Variants in PELI1 observed in about 807,000 individuals in gnomAD.
PELI1 encodes the protein pellino E3 ubiquitin protein ligase 1.
PELI1 carries 15 observed loss-of-function variants against 41.3 expected under a neutral mutation model. The ratio of observed to expected loss-of-function variants is 0.36; its 90% CI spans 0.24 to 0.56. The LOEUF is 0.56. PELI1 is among the 20% of genes least tolerant of loss of function. The probability of loss-of-function intolerance (pLI) is 0.82; values close to 1 mark genes in which losing one functional copy is unlikely to be tolerated. For missense variants in PELI1, 403 were observed against 525.5 expected (o/e 0.77, Z 2.28); for synonymous variants, 178 against 180.1 (o/e 0.99, Z 0.09).
intron 1 of PELI1, among the ~76,000 whole-genome samples, chr2:64,141,710 T>A (rs1681920322): frequency 6.6e-6 from 1 of 152,202 alleles, no homozygotes; most frequent in African/African-American, 2.4e-5. Flanking sequence ...AATGGAAACA[T>A]CCTTTGGCTT....
At chr2:64,122,876 A>G (rs1681269169) in intron 1 of PELI1, among the ~76,000 whole-genome samples, 1 of 152,236 alleles carries the variant, frequency 6.6e-6, no homozygotes, top group African/African-American at 2.4e-5. Context: ...AAAGAACCTT[A>G]AAGAATATAC....
chr2:64,107,396 A>G (rs1680655748), intron 2 of PELI1, among the ~76,000 whole-genome samples: 2 of 152,242 alleles, frequency 1.3e-5, no homozygotes, highest in South Asian at 4.1e-4. Context: ...TGTGAGTTAC[A>G]TGGATGAAAT....
intron 1 of PELI1, among the ~76,000 whole-genome samples, chr2:64,136,247 A>G (rs1236825036): frequency 6.6e-6 from 1 of 152,194 alleles, no homozygotes; most frequent in Non-Finnish European, 1.5e-5. Flanking sequence ...AGTTAATGGA[A>G]AGCCCAGGAA....
At chr2:64,132,853 A>G (rs749201406) in intron 1 of PELI1, among the ~76,000 whole-genome samples, 2 of 152,230 alleles carry the variant, frequency 1.3e-5, no homozygotes, top group African/African-American at 2.4e-5. Context: ...CCTGCTAAAA[A>G]TGAAGAATCT....
chr2:64,131,269 T>TTTTTTTTTTTTTTTTTTTTTGAG (rs1553358845), intron 1 of PELI1, among the ~76,000 whole-genome samples: 1 of 151,936 alleles, frequency 6.6e-6, no homozygotes, highest in Non-Finnish European at 1.5e-5. Context: ...GATATATTCT[T>TTTTTTTTTTTTTTTTTTTTTGAG]AAAGCTCTCA....
chr2:64,127,014 A>G (rs1184346903), intron 1 of PELI1, among the ~76,000 whole-genome samples: 1 of 152,228 alleles, frequency 6.6e-6, no homozygotes, highest in Non-Finnish European at 1.5e-5. Context: ...TCAAAAAACA[A>G]AAAGTATGAC....
At chr2:64,107,557 G>A (rs554615857) in intron 2 of PELI1, among the ~76,000 whole-genome samples, 15 of 152,252 alleles carry the variant, frequency 9.9e-5, no homozygotes, top group Non-Finnish European at 1.9e-4. Flanking sequence ...TAACCTACAT[G>A]AAATGACTTA....
chr2:64,094,469 AAT>A lies in PELI1; in HGVS notation c.*231_*232del. 2 of 435,862 alleles carry A rather than the reference AAT, an allele frequency of 4.6e-6. No homozygotes were observed. Among genetic ancestry groups the A allele is most frequent in the African/African-American group, 2.0e-5 (1 of 50,414 alleles). The allele number at this position is 435,862 out of a possible 1,614,324, so 27.0% of individuals were successfully genotyped here. A position where few individuals can be genotyped will look rare whatever the true frequency, so the allele number is the denominator to read the frequency against. ...TTAGACTATGTCTTTTTCTCCTCAA[AAT>A]ATATTTTCAAAACTCAGAATTCAGA... On this transcript the variant is annotated 3_prime_UTR_variant, in exon 7 of 7. Coordinates refer to ENST00000358912, the MANE Select transcript of PELI1 (RefSeq NM_020651.4).
chr2:64,104,683 T>A lies in PELI1; in HGVS notation c.201+18A>T. 3.8e-6 allele frequency: 1 copy of A among 266,358 alleles called. No homozygotes were observed. The highest frequency in any genetic ancestry group is 1.0e-4 in the South Asian group (1 of 10,002). The allele number at this position is 266,358 out of a possible 1,614,324, so 16.5% of individuals were successfully genotyped here. ...ATTCTCCAAGTTAATTTATGTAGCT[T>A]TTTTTTTTTTTTTTTACCTTTGCAG... is the stretch of plus-strand genomic sequence containing the variant. On this transcript the variant is annotated intron_variant, in intron 3 of 6. Coordinates refer to ENST00000358912, the MANE Select transcript of PELI1 (RefSeq NM_020651.4).
chr2:64,103,985 C>T (rs1183139827), intron 3 of PELI1, among the ~76,000 whole-genome samples: 1 of 152,072 alleles, frequency 6.6e-6, no homozygotes, highest in Non-Finnish European at 1.5e-5. Flanking sequence ...GTGAAATTCC[C>T]CCTCCTTGTC....
chr2:64,136,353 T>C (rs994548426), intron 1 of PELI1, among the ~76,000 whole-genome samples: 1 of 152,210 alleles, frequency 6.6e-6, no homozygotes, highest in Non-Finnish European at 1.5e-5. Context: ...GTATGTGCAG[T>C]ATATGGTAAG....
At chr2:64,141,287 G>C (rs1001972575) in intron 1 of PELI1, among the ~76,000 whole-genome samples, 1 of 151,054 alleles carries the variant, frequency 6.6e-6, no homozygotes, top group Non-Finnish European at 1.5e-5. Flanking sequence ...TGTAACTTTT[G>C]GAATAACATG....
At chr2:64,114,022 T>C (rs2103702594) in intron 1 of PELI1, among the ~76,000 whole-genome samples, 1 of 152,234 alleles carries the variant, frequency 6.6e-6, no homozygotes, top group South Asian at 2.1e-4. Context: ...ACAAATCTTA[T>C]GCAGATTGTT....
chr2:64,116,982 C>A (rs1334951711), intron 1 of PELI1, among the ~76,000 whole-genome samples: 1 of 152,080 alleles, frequency 6.6e-6, no homozygotes, highest in Non-Finnish European at 1.5e-5. Flanking sequence ...ACTGTTATAA[C>A]TGTTTGGGGG....
At chr2:64,136,968 G>T (rs541484762) in intron 1 of PELI1, among the ~76,000 whole-genome samples, 1 of 152,206 alleles carries the variant, frequency 6.6e-6, no homozygotes, top group African/African-American at 2.4e-5. Flanking sequence ...ACAAGAAAAA[G>T]AATGGCTTTC....
At chr2:64,106,699 C>T (rs960881606) in intron 2 of PELI1, among the ~76,000 whole-genome samples, 17 of 152,222 alleles carry the variant, frequency 1.1e-4, no homozygotes, top group African/African-American at 3.9e-4. Flanking sequence ...CAGTGACTTG[C>T]CCAAGGTCAC....
intron 4 of PELI1, among the ~76,000 whole-genome samples, chr2:64,097,368 T>C (rs1017469911): frequency 4.6e-5 from 7 of 152,312 alleles, no homozygotes; most frequent in Non-Finnish European, 1.0e-4. Flanking sequence ...CTAGGGAGAA[T>C]AGAAAAGGAA....
intron 3 of PELI1, 67 bp from the exon 4 acceptor site, chr2:64,100,566 TA>T: frequency 6.2e-6 from 5 of 804,640 alleles, no homozygotes; most frequent in Admixed American, 2.0e-5. Context: ...ATCTTTTCAT[TA>T]AAAAAAGGGA....
chr2:64,125,938 C>T (rs1681368820), intron 1 of PELI1, among the ~76,000 whole-genome samples: 1 of 152,128 alleles, frequency 6.6e-6, no homozygotes, highest in African/African-American at 2.4e-5. Flanking sequence ...GTATATGAAA[C>T]ATAAATGAAT....
Sources: gnomAD v4.1 joint callset for allele counts (sites outside exome capture counted in the v4.1 genomes callset) on GRCh38, gnomAD v4.1.1 for gene constraint, MANE v1.5 for transcripts, NCBI Gene and HGNC (gene_info 2026-07-23, HGNC 2026-07-21) for gene names.